HLA-DQB1: variants seen among roughly 807,000 people sequenced by gnomAD.
HLA-DQB1 encodes the protein HLA class II histocompatibility antigen, DQ beta 1 chain.
Under a neutral mutation model 26.4 loss-of-function variants are expected in HLA-DQB1, and 13 were observed. That is an observed-to-expected ratio of 0.49 (90% confidence interval 0.32 to 0.78). HLA-DQB1 has a LOEUF of 0.78. Among genes scored for constraint, HLA-DQB1 ranks in the 30% least tolerant of loss-of-function variants. The probability of loss-of-function intolerance (pLI) is 0.03; values close to 1 mark genes in which losing one functional copy is unlikely to be tolerated. For synonymous variants in HLA-DQB1, 60 were observed against 129.1 expected, an observed-to-expected ratio of 0.46 and a Z score of 3.63; for missense variants, 158 against 326.2, an observed-to-expected ratio of 0.48 and a Z score of 3.97.
chr6:32,660,486 G>T, intron 4 of HLA-DQB1: 1 of 360,296 alleles, frequency 2.8e-6, no homozygotes, highest in Non-Finnish European at 5.0e-6. Context: ...TGGGGAATAT[G>T]AAGGGTTCAG....
chr6:32,659,722 A>C (rs1782796051), exon 5 of HLA-DQB1: 2 of 124,688 alleles, frequency 1.6e-5, no homozygotes, highest in African/African-American at 3.0e-5. Context: ...ATTATTTTCT[A>C]CCTCCTCTGC....
exon 4 of HLA-DQB1, chr6:32,661,369 G>A (rs3210168): frequency 0.15 from 155,172 of 1,032,322 alleles, 33,852 homozygotes; most frequent in Admixed American, 0.44. Context: ...TTTGACGGAT[G>A]ATAAGGCCCA....
rs375205881 is a variant in HLA-DQB1 at position 32,664,658 on chromosome 6, ACC to A, written c.379+138_379+139del. The A allele has an allele frequency of 1.5e-4, 25 of 166,114 alleles. 5 individuals are homozygous for A. The highest frequency in any genetic ancestry group is 2.6e-4 in the Non-Finnish European group (24 of 93,868). The allele number at this position is 166,114 out of a possible 1,614,324, so 10.3% of individuals were successfully genotyped here. On this transcript the variant is annotated intron_variant, in intron 2 of 4. Coordinates refer to ENST00000434651, the Ensembl canonical transcript of HLA-DQB1. ...CCCCTCCGATGCACCTGCCCCCACCACCCCGCCGCCGCCTCCTTTCCCCTGGG... is the reference window on the plus strand; with the variant it reads ...CCCCTCCGATGCACCTGCCCCCACCACCGCCGCCGCCTCCTTTCCCCTGGG...
chr6:32,661,635 G>C, intron 3 of HLA-DQB1, 178 bp from the exon 4 acceptor site: 1 of 435,428 alleles, frequency 2.3e-6, no homozygotes, highest in Middle Eastern at 6.0e-4. Context: ...ACAGTGAATA[G>C]GTGAGAGAGT....
intron 4 of HLA-DQB1, among the ~76,000 whole-genome samples, chr6:32,661,066 C>T (rs73729445): frequency 0.049 from 6,985 of 141,520 alleles, 452 homozygotes; most frequent in African/African-American, 0.062. Context: ...AGAAAGGAAG[C>T]TGAGGCTCTG....
chr6:32,662,663 TA>T (rs41268292), intron 2 of HLA-DQB1: 4,486 of 68,750 alleles, frequency 0.065, 261 homozygotes, highest in East Asian at 0.15. Flanking sequence ...CTGCTCATAG[TA>T]AAAAAAATGA....
At chr6:32,662,009 C>T (rs750324420) in exon 3 of HLA-DQB1, 12 of 1,541,942 alleles carry the variant, frequency 7.8e-6, no homozygotes, top group South Asian at 1.1e-5. Flanking sequence ...GGGTGCTCCA[C>T]GTGGCAGGTG....
In HLA-DQB1 at chr6:32,664,855, C is replaced by G. The variant is rs281862105; in HGVS notation, c.322G>C (p.Asp108His). ...TCGTAGTTGTGTCTGCACACCGTGT[C>G]CAACTCCGCCCGGGTCCCCTCCAGG... The change falls in exon 2 of 5, where the codon GAC (aspartate) becomes CAC (histidine). Residue 108 changes from aspartate (D) to histidine (H), a missense_variant. Transcript: ENST00000434651. 6.1e-6 allele frequency: 7 copies of G among 1,140,608 alleles called. 1 individual carries two copies. The African/African-American group carries it at 1.2e-4, about 19-fold the overall frequency. The allele number at this position is 1,140,608 out of a possible 1,614,324, so 70.7% of individuals were successfully genotyped here.
At position 32,661,331 on chromosome 6, in the gene HLA-DQB1, C is replaced by G. The variant is rs1175934572; in HGVS notation, c.772+16G>C. On this transcript the variant is annotated intron_variant, in intron 4 of 4. Coordinates refer to ENST00000434651, the Ensembl canonical transcript of HLA-DQB1. Reference sequence around the variant, plus strand: ...GGTCACAGCCCATCTTCCCCTTTTCCCCTGGGGTTCCTCACCTTTCTGACT... The same window carrying G: ...GGTCACAGCCCATCTTCCCCTTTTCGCCTGGGGTTCCTCACCTTTCTGACT... 7.0e-7 allele frequency: 1 copy of G among 1,421,064 alleles called. No individual in the cohort carries two copies. Among genetic ancestry groups the G allele is most frequent in the Admixed American group, 2.0e-5 (1 of 51,000 alleles). The allele number at this position is 1,421,064 out of a possible 1,614,324, so 88.0% of individuals were successfully genotyped here.
Position 32,662,122 on chromosome 6 carries a change from T to C in HLA-DQB1, c.506A>G (p.Glu169Gly), listed in dbSNP as rs370212878. Residue 169 changes from glutamate (E) to glycine (G), a missense_variant, in exon 3 of 5, where the codon GAG becomes GGG. Coordinates refer to ENST00000434651, the Ensembl canonical transcript of HLA-DQB1. Reference sequence around the variant, plus strand: ...GGTGGACACAACGCCGGCTGTCTCCTCCTGATCATTCCGAAACCACCGGAC... The same window carrying C: ...GGTGGACACAACGCCGGCTGTCTCCCCCTGATCATTCCGAAACCACCGGAC... 1.5e-5 allele frequency: 22 copies of C among 1,475,362 alleles called. 2 individuals carry two copies. The highest frequency in any genetic ancestry group is 7.4e-5 in the African/African-American group (5 of 67,564). 91.4% of individuals were successfully genotyped at this position (1,475,362 alleles called of 1,614,324 possible).
chr6:32,664,593 G>A (rs9274347), intron 2 of HLA-DQB1: 5,401 of 257,896 alleles, frequency 0.021, 959 homozygotes, highest in Admixed American at 0.053. Context: ...AGGCAGCCTG[G>A]CCAACTCTGC....
chr6:32,661,685 C>A (rs9273786), intron 3 of HLA-DQB1: 103,370 of 420,014 alleles, frequency 0.25, 24,601 homozygotes, highest in South Asian at 0.29. Context: ...TCATCCATAA[C>A]CTTAGACCCT....
At chr6:32,663,532 T>G (rs36230067) in intron 2 of HLA-DQB1, 27,586 of 148,084 alleles carry the variant, frequency 0.19, 3,452 homozygotes, top group South Asian at 0.23. Context: ...CATAAGAATG[T>G]TGTGTACTTT....
exon 1 of HLA-DQB1, chr6:32,666,624 AAAGC>A: frequency 1.1e-6 from 1 of 925,692 alleles, no homozygotes; most frequent in East Asian, 2.8e-5. Context: ...GACGAAGGGA[AAAGC>A]AGTGGTAGTC....
chr6:32,664,551 G>A (rs281862269), intron 2 of HLA-DQB1: 10,692 of 204,492 alleles, frequency 0.052, 3,388 homozygotes, highest in South Asian at 0.3. Context: ...CGGAGGACGA[G>A]GCCGACGGAC....
chr6:32,666,389 T>G, intron 1 of HLA-DQB1, 110 bp downstream of exon 1: 1 of 438,994 alleles, frequency 2.3e-6, no homozygotes, highest in Admixed American at 4.9e-5. Flanking sequence ...GAGGAAATGT[T>G]GATGAAAGAT....
rs28986212 is a variant in HLA-DQB1 at position 32,661,922 on chromosome 6, T to TGCCCC, written c.661+44_661+45insGGGGC. On this transcript the variant is annotated intron_variant, in intron 3 of 4. Transcript: ENST00000434651. The stretch of plus-strand genomic sequence containing the variant: ...GGAAGGAATGGGTCAGAAGGAGCTC[T>TGCCCC]TTGTCTTGTGGGCCCATAGTAACAG... 11 of 1,231,902 alleles carry TGCCCC rather than the reference T, an allele frequency of 8.9e-6. No homozygotes were observed. In the South Asian group the frequency reaches 1.3e-4, roughly 15 times the overall value. The allele number at this position is 1,231,902 out of a possible 1,614,324, so 76.3% of individuals were successfully genotyped here.
chr6:32,660,854 A>G (rs281864376), intron 4 of HLA-DQB1: 1 of 1,495,750 alleles, frequency 6.7e-7, no homozygotes, highest in Non-Finnish European at 9.0e-7. Context: ...TGGCTGAAAT[A>G]TTACCTGCTG....
At chr6:32,666,194 A>G (rs3830060) in intron 1 of HLA-DQB1, among the ~76,000 whole-genome samples, 19,944 of 150,834 alleles carry the variant, frequency 0.13, 1,617 homozygotes, top group East Asian at 0.23. Flanking sequence ...GGAGAAATTC[A>G]TATCTTCAAA....
Sources: gnomAD v4.1 joint callset for allele counts (sites outside exome capture counted in the v4.1 genomes callset) on GRCh38, gnomAD v4.1.1 for gene constraint, MANE v1.5 for transcripts, NCBI Gene and HGNC (gene_info 2026-07-23, HGNC 2026-07-21) for gene names.